Variants in NTM observed in about 807,000 individuals in gnomAD.
NTM encodes the protein IgLON family member 2.
NTM carries 13 observed loss-of-function variants against 42.1 expected under a neutral mutation model. The observed-to-expected ratio is 0.31, with a 90% CI of 0.20 to 0.49. The LOEUF is 0.49. NTM is among the 20% of genes least tolerant of loss of function. NTM has a pLI of 0.99. For synonymous variants in NTM, 187 were observed against 179.2 expected, an observed-to-expected ratio of 1.04 and a Z score of -0.35; for missense variants, 373 against 452.8, an observed-to-expected ratio of 0.82 and a Z score of 1.60.
chr11:131,805,554 C>T (rs578200432), intron 1 of NTM, among the ~76,000 whole-genome samples: 3 of 152,316 alleles, frequency 2.0e-5, no homozygotes, highest in South Asian at 2.1e-4. Context: ...GTTTGCCCTA[C>T]TCTAATAATA....
chr11:131,855,511 CAA>C (rs1160597935), intron 1 of NTM, among the ~76,000 whole-genome samples: 1 of 152,130 alleles, frequency 6.6e-6, no homozygotes, highest in Non-Finnish European at 1.5e-5. Context: ...CACAAAAAAA[CAA>C]AGCTTTCTTT....
At chr11:131,569,175 G>T (rs1185890010) in intron 1 of NTM, among the ~76,000 whole-genome samples, 1 of 143,222 alleles carries the variant, frequency 7.0e-6, no homozygotes, top group Non-Finnish European at 1.5e-5. Context: ...ACAGAGTTTC[G>T]CTCTCGTCAC....
chr11:132,148,792 T>C (rs549820903), intron 3 of NTM, among the ~76,000 whole-genome samples: 1 of 152,190 alleles, frequency 6.6e-6, no homozygotes, highest in Non-Finnish European at 1.5e-5. Context: ...GAGAGACGGC[T>C]GGGTGTTTTT....
intron 1 of NTM, among the ~76,000 whole-genome samples, chr11:131,373,640 TG>T (rs1941531195): frequency 6.6e-6 from 1 of 152,022 alleles, no homozygotes; most frequent in Admixed American, 6.6e-5. Flanking sequence ...CGCTGTCCCT[TG>T]CAGAACACCC....
chr11:131,745,113 G>C (rs1261567882), intron 1 of NTM, among the ~76,000 whole-genome samples: 1 of 152,216 alleles, frequency 6.6e-6, no homozygotes, highest in Non-Finnish European at 1.5e-5. Context: ...GTGCTGACTT[G>C]CTCTCTGATT....
intron 1 of NTM, among the ~76,000 whole-genome samples, chr11:131,725,248 G>C (rs2135431138): frequency 6.6e-6 from 1 of 152,280 alleles, no homozygotes; most frequent in East Asian, 1.9e-4. Flanking sequence ...CGGCATGTGT[G>C]AAGTACTATA....
intron 1 of NTM, among the ~76,000 whole-genome samples, chr11:131,494,360 C>T (rs58153180): frequency 0.031 from 4,685 of 152,124 alleles, 245 homozygotes; most frequent in African/African-American, 0.11. Flanking sequence ...CAATAGAGTA[C>T]GGTAGGAACA....
intron 1 of NTM, chr11:131,796,251 G>A (rs753474318): frequency 5.3e-5 from 44 of 835,610 alleles, no homozygotes; most frequent in Middle Eastern, 1.2e-3. Context: ...CACAGGTGCG[G>A]CCCAGCCCTC....
chr11:131,631,422 A>C (rs2137777826), intron 1 of NTM, among the ~76,000 whole-genome samples: 1 of 152,354 alleles, frequency 6.6e-6, no homozygotes, highest in Admixed American at 6.5e-5. Flanking sequence ...AAAGCAAGGT[A>C]GATTTTTAAA....
At chr11:131,562,007 AT>A (rs2056294404) in intron 1 of NTM, among the ~76,000 whole-genome samples, 1 of 152,144 alleles carries the variant, frequency 6.6e-6, no homozygotes, top group Non-Finnish European at 1.5e-5. Context: ...TTTTTAAGTC[AT>A]TTTTCTCTCT....
chr11:132,321,714 GAC>G (rs1371934707), intron 7 of NTM, among the ~76,000 whole-genome samples: 1 of 150,966 alleles, frequency 6.6e-6, no homozygotes, highest in Non-Finnish European at 1.5e-5. Context: ...GCAACTCCAA[GAC>G]ACATAATTGT....
chr11:131,486,918 A>G (rs1002114368), intron 1 of NTM, among the ~76,000 whole-genome samples: 4 of 152,216 alleles, frequency 2.6e-5, no homozygotes, highest in Admixed American at 1.3e-4. Flanking sequence ...CATAATGCCC[A>G]GAAAGAGCCA....
chr11:131,958,114 T>C (rs2134455257), intron 2 of NTM, among the ~76,000 whole-genome samples: 1 of 152,284 alleles, frequency 6.6e-6, no homozygotes, highest in African/African-American at 2.4e-5. Context: ...GCAGAAACCT[T>C]GTAAAATTTT....
chr11:132,181,371 G>A (rs2077554742), intron 3 of NTM, among the ~76,000 whole-genome samples: 2 of 152,204 alleles, frequency 1.3e-5, no homozygotes, highest in Admixed American at 6.5e-5. Flanking sequence ...ATCCTGCTGT[G>A]TTCTGCCTCA....
rs554019502 is a variant in NTM at position 132,042,233 on chromosome 11, C to A, written c.168-104049C>A. ...AGGTGTTTTGCTTTGATCATAGATG[C>A]CAAATAGCAGCCCCTCGTTCCTGTT... On this transcript the variant is annotated intron_variant, in intron 2 of 8. Coordinates refer to ENST00000683400, the MANE Select transcript of NTM (RefSeq NM_001352005.2). Among the ~76,000 whole-genome samples, 54 of 152,216 alleles carry A rather than the reference C, an allele frequency of 3.5e-4. 1 individual carries two copies. In the South Asian group the frequency reaches 0.011, roughly 31 times the overall value.
At chr11:131,554,801 A>G (rs979295839) in intron 1 of NTM, among the ~76,000 whole-genome samples, 1 of 152,180 alleles carries the variant, frequency 6.6e-6, no homozygotes, top group Non-Finnish European at 1.5e-5. Context: ...GGAGAACCTC[A>G]GCCTCTGCTT....
chr11:131,500,571 ATATATATTT>A (rs1441575356), intron 1 of NTM, among the ~76,000 whole-genome samples: 9 of 85,328 alleles, frequency 1.1e-4, no homozygotes, highest in African/African-American at 2.8e-4. Flanking sequence ...ATATATATAT[ATATATATTT>A]TTTTTTTTTT....
At chr11:131,561,981 ACT>A (rs760041135) in intron 1 of NTM, among the ~76,000 whole-genome samples, 11 of 152,180 alleles carry the variant, frequency 7.2e-5, no homozygotes, top group South Asian at 6.2e-4. Context: ...TTTGGAAGCC[ACT>A]CTCTGTGATT....
At chr11:131,539,084 CACCAT>C (rs2052766441) in intron 1 of NTM, 1 of 152,032 alleles carries the variant, frequency 6.6e-6, no homozygotes, top group Admixed American at 6.6e-5. Context: ...AAGCGCATGC[CACCAT>C]ACCCAGCTAA....
Sources: allele counts gnomAD v4.1 joint callset (sites outside exome capture counted in the v4.1 genomes callset), GRCh38; gene constraint gnomAD v4.1.1; transcripts MANE v1.5; gene names NCBI Gene and HGNC (gene_info 2026-07-23, HGNC 2026-07-21).